CEP164: variants seen among roughly 807,000 people sequenced by gnomAD.
CEP164 encodes the protein centrosomal protein of 164 kDa.
Under a neutral mutation model 182.7 loss-of-function variants are expected in CEP164, and 162 were observed. The observed-to-expected ratio is 0.89, with a 90% CI of 0.78 to 1.01. The LOEUF (loss-of-function observed/expected upper bound fraction) is 1.01. Ranked by LOEUF, CEP164 falls within the 50% of genes least tolerant of loss-of-function variation. CEP164 has a pLI of 0.00. For missense variants in CEP164, 1,735 were observed against 1,790.4 expected (o/e 0.97, Z 0.56); for synonymous variants, 661 against 690.0 (o/e 0.96, Z 0.66).
chr11:117,404,995 A>G (rs571789228), intron 27 of CEP164, among the ~76,000 whole-genome samples: 15 of 152,312 alleles, frequency 9.8e-5, no homozygotes, highest in African/African-American at 3.1e-4. Flanking sequence ...GTAATGGCAG[A>G]TGCCCCGCCC....
intron 5 of CEP164, among the ~76,000 whole-genome samples, chr11:117,357,945 A>G (rs2040491761): frequency 6.6e-6 from 1 of 152,122 alleles, no homozygotes; most frequent in Admixed American, 6.5e-5. Flanking sequence ...TTGTCCCTTT[A>G]AAGAGTCACT....
intron 27 of CEP164, among the ~76,000 whole-genome samples, chr11:117,403,484 C>T (rs1426272562): frequency 6.6e-6 from 1 of 152,190 alleles, no homozygotes; most frequent in Non-Finnish European, 1.5e-5. Flanking sequence ...TATTGGCCCC[C>T]ACTCTCTTCT....
rs748619597 is a variant in CEP164 at position 117,361,940 on chromosome 11, G to A, written c.499G>A (p.Val167Met). The A allele has an allele frequency of 2.2e-5, 36 of 1,609,556 alleles. No individual in the cohort carries two copies. In the East Asian group the frequency reaches 3.1e-4, roughly 14 times the overall value. ...CTCTGCTCTTCGTGGATCTCAAAGCGTGAGCCTGGGGAGCTCAGTGGAGTC... is the reference window on the plus strand; with the variant it reads ...CTCTGCTCTTCGTGGATCTCAAAGCATGAGCCTGGGGAGCTCAGTGGAGTC... Reference protein sequence around the residue: ...PPSALRGSQSVSLGSSVESGR... With the variant: ...PPSALRGSQSMSLGSSVESGR... Residue 167 changes from valine to methionine, a missense_variant, in exon 6 of 33, where the codon GTG becomes ATG. Physicochemically the swap from Val to Met is conservative, Grantham distance 21. Coordinates refer to ENST00000278935, the MANE Select transcript of CEP164 (RefSeq NM_014956.5).
chr11:117,353,866 G>T (rs1279563767), intron 5 of CEP164, among the ~76,000 whole-genome samples: 1 of 152,122 alleles, frequency 6.6e-6, no homozygotes, highest in African/African-American at 2.4e-5. Flanking sequence ...GGTCTCTCAA[G>T]CAATACCAAC....
intron 15 of CEP164, among the ~76,000 whole-genome samples, chr11:117,387,825 AT>A (rs2044132458): frequency 6.6e-6 from 1 of 152,216 alleles, no homozygotes. Flanking sequence ...GTGGTAGAAA[AT>A]TATTATTTTT....
chr11:117,338,991 G>A (rs1044971099), intron 3 of CEP164, among the ~76,000 whole-genome samples: 1 of 151,706 alleles, frequency 6.6e-6, no homozygotes, highest in African/African-American at 2.4e-5. Flanking sequence ...CTAATTTTTT[G>A]TACTTTTAGT....
intron 12 of CEP164, 58 bp downstream of exon 12, chr11:117,380,763 G>A: frequency 6.6e-7 from 1 of 1,506,404 alleles, no homozygotes. Flanking sequence ...GTGGACTTGG[G>A]CAGAATTCTT....
intron 11 of CEP164, among the ~76,000 whole-genome samples, chr11:117,376,246 T>A (rs186018246): frequency 6.6e-6 from 1 of 152,324 alleles, no homozygotes; most frequent in East Asian, 1.9e-4. Context: ...AGCTCTTTTT[T>A]GGTCCTGGAG....
chr11:117,357,977 A>G (rs182658005), intron 5 of CEP164, among the ~76,000 whole-genome samples: 1 of 152,308 alleles, frequency 6.6e-6, no homozygotes, highest in East Asian at 1.9e-4. Flanking sequence ...TCAGAAGTCA[A>G]GTTGGATCAG....
chr11:117,360,463 T>A (rs2040803885), intron 5 of CEP164, among the ~76,000 whole-genome samples: 1 of 152,202 alleles, frequency 6.6e-6, no homozygotes, highest in Non-Finnish European at 1.5e-5. Context: ...CTCCAGCTCC[T>A]GGGCTCAAGC....
rs758267614 is a variant in CEP164, at chr11:117,371,179, G to A, written c.865G>A (p.Ala289Thr). Residue 289 changes from alanine to threonine, a missense_variant, in exon 9 of 33, where the codon GCA (alanine) becomes ACA (threonine). Coordinates refer to ENST00000278935, the MANE Select transcript of CEP164 (RefSeq NM_014956.5). ...TCCCTGCAAGCCCTCCAGCCCAGGT[G>A]CAGACAGCAGTCTGAGCAGTGCTGT... ...PTPCKPSSPG[A>T]DSSLSSAVGK... is the part of the protein sequence containing the mutation. 1.9e-6 allele frequency: 3 copies of A among 1,614,096 alleles called. No homozygotes were observed. The highest frequency in any genetic ancestry group is 1.3e-5 in the African/African-American group (1 of 74,942).
intron 27 of CEP164, among the ~76,000 whole-genome samples, chr11:117,406,896 C>T (rs972243630): frequency 6.6e-6 from 1 of 151,988 alleles, no homozygotes; most frequent in African/African-American, 2.4e-5. Flanking sequence ...GAGTTCAAGA[C>T]CAGACTGACC....
intron 3 of CEP164, among the ~76,000 whole-genome samples, chr11:117,342,723 A>C (rs563886023): frequency 1.4e-3 from 219 of 152,184 alleles, no homozygotes; most frequent in Non-Finnish European, 2.5e-3. Flanking sequence ...TGATCTGCCC[A>C]CCTTGGCCTC....
In CEP164 at chr11:117,383,065, A is replaced by C. The variant is rs905976448; in HGVS notation, c.1724+123A>C. The C allele has an allele frequency of 2.0e-5, 22 of 1,110,766 alleles. No homozygotes were observed. The South Asian group carries it at 3.3e-4, about 17-fold the overall frequency. 68.8% of individuals were successfully genotyped at this position (1,110,766 alleles called of 1,614,324 possible). On this transcript the variant is annotated intron_variant, in intron 14 of 32. Coordinates refer to ENST00000278935, the MANE Select transcript of CEP164 (RefSeq NM_014956.5). ...TCTGGCCAAGGGTTAGAGTGTAGGG[A>C]GATTAAGCATATCCTTGGTGCTCTG...
In CEP164 at chr11:117,362,475, T is replaced by C. The variant is rs1421552596; in HGVS notation, c.624T>C (p.Ala208=). The C allele has an allele frequency of 6.2e-7, 1 of 1,613,822 alleles. No individual in the cohort carries two copies. Among genetic ancestry groups the C allele is most frequent in the Non-Finnish European group, 8.5e-7 (1 of 1,179,938 alleles). The change falls in exon 7 of 33, where the codon GCT becomes GCC. Residue 208 remains alanine (A), a synonymous_variant. Coordinates refer to ENST00000278935, the MANE Select transcript of CEP164 (RefSeq NM_014956.5). ...GCTCCATATATGAGGACAAGACTGCTCTCAGCCTCTTGGGTTTAGGAGAAG... is the reference window on the plus strand; with the variant it reads ...GCTCCATATATGAGGACAAGACTGCCCTCAGCCTCTTGGGTTTAGGAGAAG... ...LLGSIYEDKT[A]LSLLGLGEET...
chr11:117,343,691 C>A (rs1213583491), intron 3 of CEP164, among the ~76,000 whole-genome samples: 1 of 142,936 alleles, frequency 7.0e-6, no homozygotes, highest in East Asian at 2.0e-4. Context: ...AGTGCAGTGG[C>A]GTGATCTCGG....
intron 5 of CEP164, chr11:117,355,180 T>A (rs774570545): frequency 8.5e-6 from 11 of 1,289,700 alleles, no homozygotes; most frequent in Non-Finnish European, 2.0e-6. Context: ...AGGTCTTTGC[T>A]GACATGGAGA....
At chr11:117,406,315 A>T (rs1320157812) in intron 27 of CEP164, among the ~76,000 whole-genome samples, 1 of 152,198 alleles carries the variant, frequency 6.6e-6, no homozygotes, top group Admixed American at 6.5e-5. Context: ...TGATAAGCCC[A>T]TCAGATCTCG....
chr11:117,328,975 A>G (rs2035773576), intron 1 of CEP164, among the ~76,000 whole-genome samples: 1 of 152,194 alleles, frequency 6.6e-6, no homozygotes, highest in Non-Finnish European at 1.5e-5. Context: ...CCATCCTCAC[A>G]GACACTGACT....
Sources: gnomAD v4.1 joint callset for allele counts (sites outside exome capture counted in the v4.1 genomes callset) on GRCh38, gnomAD v4.1.1 for gene constraint, MANE v1.5 for transcripts, NCBI Gene and HGNC (gene_info 2026-07-23, HGNC 2026-07-21) for gene names.